Variants in HMOX1 observed in about 807,000 individuals in gnomAD.
HMOX1 encodes the protein heme oxygenase 1.
Under a neutral mutation model 27.8 loss-of-function variants are expected in HMOX1, and 22 were observed. The observed-to-expected ratio is 0.79, with a 90% CI of 0.57 to 1.13. The LOEUF is 1.13. Ranked by LOEUF, HMOX1 falls within the 50% of genes most tolerant of loss-of-function variation. HMOX1 has a pLI of 0.00. For missense variants in HMOX1, 379 were observed against 377.7 expected (o/e 1.00, Z -0.03); for synonymous variants, 153 against 151.6 (o/e 1.01, Z -0.07).
At chr22:35,393,370 C>A in intron 4 of HMOX1, 98 bp from the exon 5 acceptor site, 1 of 1,484,152 alleles carries the variant, frequency 6.7e-7, no homozygotes, top group Non-Finnish European at 9.4e-7. Context: ...AGTGACTGTA[C>A]CACAGACCCT....
chr22:35,386,552 G>A (rs1399301346), intron 2 of HMOX1, 133 bp from the exon 3 acceptor site: 23 of 1,061,124 alleles, frequency 2.2e-5, no homozygotes, highest in Non-Finnish European at 3.0e-5. Context: ...GGATTGTAGC[G>A]AGGGGTGGCA....
chr22:35,384,429 G>T (rs375663276), intron 2 of HMOX1, among the ~76,000 whole-genome samples: 1 of 151,998 alleles, frequency 6.6e-6, no homozygotes, highest in Admixed American at 6.6e-5. Flanking sequence ...TCCAGGCTGG[G>T]TGGGGTCCTT....
intron 4 of HMOX1, among the ~76,000 whole-genome samples, chr22:35,392,921 T>C (rs1452296496): frequency 6.6e-6 from 1 of 152,110 alleles, no homozygotes; most frequent in Non-Finnish European, 1.5e-5. Context: ...TTTCACCATA[T>C]TGGCCAGGCT....
chr22:35,389,946 C>G lies in HMOX1; in HGVS notation c.719C>G (p.Ala240Gly). The G allele has an allele frequency of 1.2e-6, 2 of 1,610,954 alleles. No homozygotes were observed. The highest frequency in any genetic ancestry group is 1.3e-5 in the African/African-American group (1 of 74,972). Reference protein sequence around the residue: ...PSRAPGLRQRASNKVQDSAPV... With the variant: ...PSRAPGLRQRGSNKVQDSAPV... ...CGGGCACCAGGGCTTCGCCAGCGGG[C>G]CAGCAACAAAGTGCAAGGTGAGAGC... The change falls in exon 4 of 5, where the codon GCC (alanine) becomes GGC (glycine). Residue 240 changes from alanine (A) to glycine (G), a missense_variant. By Grantham distance (60) the Ala-to-Gly change is moderately conservative. Transcript: ENST00000216117.
chr22:35,386,684 G>C lies in HMOX1; in HGVS notation c.145-1G>C. The C allele has an allele frequency of 6.2e-7, 1 of 1,614,150 alleles. No individual in the cohort carries two copies. Among genetic ancestry groups the C allele is most frequent in the Non-Finnish European group, 8.5e-7 (1 of 1,180,030 alleles). On this transcript the variant is annotated splice_acceptor_variant, in intron 2 of 4. Transcript: ENST00000216117. LOFTEE classifies it high-confidence loss of function. ...GCCTGACCTGCTCACTCTGCTTTCA[G>C]CTGGTGATGGCCTCCCTGTACCACA...
chr22:35,393,156 G>C (rs1262948194), intron 4 of HMOX1, among the ~76,000 whole-genome samples: 1 of 152,198 alleles, frequency 6.6e-6, no homozygotes, highest in East Asian at 1.9e-4. Context: ...AGACCTAATT[G>C]CTGGCAAAGT....
chr22:35,388,466 AAAAAAC>A (rs147359911), intron 3 of HMOX1, among the ~76,000 whole-genome samples: 2,605 of 151,774 alleles, frequency 0.017, 78 homozygotes, highest in African/African-American at 0.059. Context: ...TCAAAAACCA[AAAAAAC>A]AAAAACAAAA....
chr22:35,389,422 T>A (rs1215547863), intron 3 of HMOX1, among the ~76,000 whole-genome samples: 99 of 89,810 alleles, frequency 1.1e-3, no homozygotes, highest in Middle Eastern at 4.5e-3. Flanking sequence ...CTTTCTTTCT[T>A]TCTTTCTATC....
intron 3 of HMOX1, among the ~76,000 whole-genome samples, chr22:35,389,399 T>TTTCTTCCTTTCTTC (rs1422800143): frequency 2.3e-5 from 1 of 42,782 alleles, no homozygotes; most frequent in African/African-American, 2.0e-4. Flanking sequence ...TTCCTTCCTT[T>TTTCTTCCTTTCTTC]CTTTCTTTCT....
chr22:35,391,586 CTTTTTTT>C (rs56153278), intron 4 of HMOX1, among the ~76,000 whole-genome samples: 2 of 89,008 alleles, frequency 2.2e-5, no homozygotes, highest in Non-Finnish European at 4.0e-5. Context: ...CGCGCCCGGC[CTTTTTTT>C]TTTTTTTTTT....
At chr22:35,383,341 T>C in intron 2 of HMOX1, 115 bp downstream of exon 2, 1 of 1,161,110 alleles carries the variant, frequency 8.6e-7, no homozygotes, top group African/African-American at 1.5e-5. Context: ...GCATGTCCAA[T>C]AGAATCATCT....
At position 35,393,499 on chromosome 22, in the gene HMOX1, GCC is replaced by G. The variant is rs1931777618; in HGVS notation, c.772_773del (p.Pro258ThrfsTer138). On this transcript the variant is annotated frameshift_variant, in exon 5 of 5. Coordinates refer to ENST00000216117, the MANE Select transcript of HMOX1 (RefSeq NM_002133.3). LOFTEE classifies it low-confidence loss of function (END_TRUNC). ...SAPVETPRGKPPLNTRSQAPL... is the reference protein window; with the variant it reads ...SAPVETPRGKXPLNTRSQAPL... ...CCCCCGTGGAGACTCCCAGAGGGAA[GCC>G]CCCACTCAACACCCGCTCCCAGGCT... 1 of 1,614,062 alleles carries G rather than the reference GCC, an allele frequency of 6.2e-7. No homozygotes were observed. Among genetic ancestry groups the G allele is most frequent in the South Asian group, 1.1e-5 (1 of 91,088 alleles).
chr22:35,387,135 G>T lies in HMOX1; in HGVS notation c.595G>T (p.Val199Leu). Reference sequence around the variant, plus strand: ...GATGACTCCCGCAGTCAGGCAGAGGGTGATAGAAGAGGCCAAGACTGCGTT... The same window carrying T: ...GATGACTCCCGCAGTCAGGCAGAGGTTGATAGAAGAGGCCAAGACTGCGTT... ...LEMTPAVRQR[V>L]IEEAKTAFLL... The change falls in exon 3 of 5, where the codon GTG becomes TTG. Residue 199 changes from valine (V) to leucine (L), a missense_variant. By Grantham distance (32) the Val-to-Leu change is conservative. Transcript: ENST00000216117. The T allele has an allele frequency of 6.2e-7, 1 of 1,613,584 alleles. No homozygotes were observed. Among genetic ancestry groups the T allele is most frequent in the South Asian group, 1.1e-5 (1 of 91,090 alleles).
At chr22:35,381,290 A>C in intron 1 of HMOX1, 94 bp downstream of exon 1, 2 of 1,415,404 alleles carry the variant, frequency 1.4e-6, no homozygotes, top group Non-Finnish European at 1.9e-6. Context: ...ACACAGCGAC[A>C]GAGCCCAGGA....
rs753850950 is a variant in HMOX1 at position 35,393,679 on chromosome 22, G to A, written c.*81G>A. 1.3e-6 allele frequency: 2 copies of A among 1,577,378 alleles called. No individual in the cohort carries two copies. Among genetic ancestry groups the A allele is most frequent in the Non-Finnish European group, 1.7e-6 (2 of 1,148,002 alleles). ...TCTAGAGAGGGAATTCTCTTGGCTG[G>A]CTTCCTTACCGTGGGCACTGAAGGC... On this transcript the variant is annotated 3_prime_UTR_variant, in exon 5 of 5. Transcript: ENST00000216117.
At chr22:35,386,204 C>T (rs1931499952) in intron 2 of HMOX1, among the ~76,000 whole-genome samples, 1 of 152,118 alleles carries the variant, frequency 6.6e-6, no homozygotes, top group South Asian at 2.1e-4. Flanking sequence ...GATCCTCCCG[C>T]CTCGGCCTCC....
intron 3 of HMOX1, among the ~76,000 whole-genome samples, chr22:35,389,221 C>CTTTCTTTCTT (rs1555901535): frequency 1.5e-5 from 2 of 135,008 alleles, no homozygotes; most frequent in Admixed American, 1.4e-4. Context: ...TTCTCTCTTT[C>CTTTCTTTCTT]TTTCTTTCTT....
chr22:35,389,250 T>TTTCTTTCTTTTCTCTCTCTCTC (rs1555901550), intron 3 of HMOX1, among the ~76,000 whole-genome samples: 18 of 107,858 alleles, frequency 1.7e-4, no homozygotes, highest in African/African-American at 7.8e-4. Context: ...TTTCTTTCTT[T>TTTCTTTCTTTTCTCTCTCTCTC]TCTCTCTCTC....
chr22:35,385,609 CTT>C (rs71191362), intron 2 of HMOX1, among the ~76,000 whole-genome samples: 8,730 of 94,054 alleles, frequency 0.093, 993 homozygotes, highest in African/African-American at 0.34. Context: ...CCATACCTGG[CTT>C]TTTTTTTTTT....
Sources: gnomAD v4.1 joint callset for allele counts (sites outside exome capture counted in the v4.1 genomes callset) on GRCh38, gnomAD v4.1.1 for gene constraint, MANE v1.5 for transcripts, NCBI Gene and HGNC (gene_info 2026-07-23, HGNC 2026-07-21) for gene names.